Variants in RASA2 observed in about 807,000 individuals in gnomAD.
RASA2 encodes RAS p21 protein activator 2, also known as ras GTPase-activating protein 2.
A neutral mutation model predicts 118.2 loss-of-function variants in RASA2; 155 were observed. The ratio of observed to expected loss-of-function variants is 1.31; its 90% CI spans 1.15 to 1.50. The LOEUF (loss-of-function observed/expected upper bound fraction) is 1.50. RASA2 is among the 40% of genes most tolerant of loss of function. RASA2 has a pLI of 0.00. For missense variants in RASA2, 1,016 were observed against 1,009.6 expected (o/e 1.01, Z -0.09); for synonymous variants, 353 against 349.1 (o/e 1.01, Z -0.12).
intron 3 of RASA2, among the ~76,000 whole-genome samples, chr3:141,524,673 C>T (rs1319081684): frequency 6.6e-6 from 1 of 152,088 alleles, no homozygotes; most frequent in African/African-American, 2.4e-5. Flanking sequence ...TTACTGCAAC[C>T]TCTGCCTCCT....
At chr3:141,494,029 A>G (rs967123218) in intron 1 of RASA2, among the ~76,000 whole-genome samples, 2 of 152,224 alleles carry the variant, frequency 1.3e-5, no homozygotes, top group South Asian at 2.1e-4. Flanking sequence ...CAACTGCATA[A>G]TATTTCATCA....
chr3:141,540,066 A>C (rs1282781758), intron 4 of RASA2, among the ~76,000 whole-genome samples: 1 of 152,150 alleles, frequency 6.6e-6, no homozygotes, highest in Non-Finnish European at 1.5e-5. Context: ...TGTTTGATCA[A>C]AGTAAGTAGT....
chr3:141,497,909 T>G (rs912467089), intron 1 of RASA2, among the ~76,000 whole-genome samples: 2 of 152,088 alleles, frequency 1.3e-5, no homozygotes, highest in Non-Finnish European at 2.9e-5. Flanking sequence ...CAGCAAATTC[T>G]TATATACTTT....
intron 4 of RASA2, among the ~76,000 whole-genome samples, chr3:141,533,301 C>T (rs532269546): frequency 1.3e-5 from 2 of 152,116 alleles, no homozygotes; most frequent in Non-Finnish European, 2.9e-5. Context: ...TAGGCATGTT[C>T]CCTAAGGAAG....
intron 19 of RASA2, among the ~76,000 whole-genome samples, chr3:141,601,823 G>T (rs2083469017): frequency 6.6e-6 from 1 of 151,954 alleles, no homozygotes; most frequent in South Asian, 2.1e-4. Context: ...CTGATAAATT[G>T]TCTCATGGAT....
intron 1 of RASA2, among the ~76,000 whole-genome samples, chr3:141,508,543 A>G (rs973000560): frequency 9.2e-5 from 14 of 151,918 alleles, no homozygotes; most frequent in African/African-American, 3.4e-4. Flanking sequence ...ACGCCTGGCT[A>G]ATTTTTTGTA....
intron 4 of RASA2, among the ~76,000 whole-genome samples, chr3:141,538,100 A>AACACACACACAC (rs60054807): frequency 5.4e-4 from 74 of 136,652 alleles, no homozygotes; most frequent in Non-Finnish European, 5.9e-4. Context: ...CAAAAAACAA[A>AACACACACACAC]ACACACACAC....
At chr3:141,502,466 A>T (rs1428362204) in intron 1 of RASA2, among the ~76,000 whole-genome samples, 1 of 151,834 alleles carries the variant, frequency 6.6e-6, no homozygotes, top group Non-Finnish European at 1.5e-5. Context: ...TTTCCCTCTC[A>T]TTCCCCCTTC....
At chr3:141,540,923 A>G (rs1560018856) in intron 5 of RASA2, among the ~76,000 whole-genome samples, 1 of 152,142 alleles carries the variant, frequency 6.6e-6, no homozygotes, top group Non-Finnish European at 1.5e-5. Context: ...TCCTCTAGAA[A>G]TTGTCATACC....
chr3:141,588,631 G>A (rs2083242584), intron 19 of RASA2, among the ~76,000 whole-genome samples: 1 of 152,110 alleles, frequency 6.6e-6, no homozygotes, highest in African/African-American at 2.4e-5. Context: ...TTGAATAGTA[G>A]AGTGATAAGA....
intron 23 of RASA2, among the ~76,000 whole-genome samples, chr3:141,610,575 C>A (rs1369762993): frequency 1.3e-5 from 2 of 148,798 alleles, no homozygotes; most frequent in Non-Finnish European, 3.0e-5. Flanking sequence ...ACTGTAACCT[C>A]CAACTCCTGG....
intron 9 of RASA2, among the ~76,000 whole-genome samples, chr3:141,566,950 A>G (rs2082829206): frequency 6.6e-6 from 1 of 152,160 alleles, no homozygotes; most frequent in African/African-American, 2.4e-5. Flanking sequence ...TGAAAATAAA[A>G]TCGTGGGTTC....
intron 3 of RASA2, among the ~76,000 whole-genome samples, chr3:141,520,968 G>A (rs1417261118): frequency 6.6e-6 from 1 of 152,158 alleles, no homozygotes; most frequent in African/African-American, 2.4e-5. Flanking sequence ...GTGAAAAGGA[G>A]AAGAGTTTAA....
chr3:141,592,224 A>G (rs1330247443), intron 19 of RASA2, among the ~76,000 whole-genome samples: 1 of 152,204 alleles, frequency 6.6e-6, no homozygotes, highest in African/African-American at 2.4e-5. Flanking sequence ...ACATTTGAGC[A>G]AAGACCTAAA....
At chr3:141,509,324 G>A (rs555591455) in intron 1 of RASA2, among the ~76,000 whole-genome samples, 2 of 152,132 alleles carry the variant, frequency 1.3e-5, no homozygotes, top group Non-Finnish European at 2.9e-5. Context: ...ATAATGTCAG[G>A]TTCATTGGAT....
At chr3:141,493,961 A>G (rs1577633274) in intron 1 of RASA2, among the ~76,000 whole-genome samples, 1 of 152,226 alleles carries the variant, frequency 6.6e-6, no homozygotes, top group Admixed American at 6.5e-5. Context: ...ACACTTAACA[A>G]CATAGCTTGA....
At chr3:141,490,386 G>A (rs988402153) in intron 1 of RASA2, among the ~76,000 whole-genome samples, 3 of 150,850 alleles carry the variant, frequency 2.0e-5, no homozygotes, top group African/African-American at 4.9e-5. Flanking sequence ...GAGGGATTGG[G>A]GCTTCCTCCT....
chr3:141,542,055 C>T (rs2082413092), intron 5 of RASA2, among the ~76,000 whole-genome samples: 1 of 150,032 alleles, frequency 6.7e-6, no homozygotes, highest in African/African-American at 2.5e-5. Context: ...TTTTTGTGCC[C>T]CTTCCCCCCA....
At chr3:141,508,693 A>G (rs115412143) in intron 1 of RASA2, among the ~76,000 whole-genome samples, 2,039 of 152,298 alleles carry the variant, frequency 0.013, 37 homozygotes, top group African/African-American at 0.033. Flanking sequence ...GTGTTCTTCA[A>G]GGTTCTAAAC....
Sources: allele counts gnomAD v4.1 joint callset (sites outside exome capture counted in the v4.1 genomes callset), GRCh38; gene constraint gnomAD v4.1.1; transcripts MANE v1.5; gene names NCBI Gene and HGNC (gene_info 2026-07-23, HGNC 2026-07-21).